THRB: variants seen among roughly 807,000 people sequenced by gnomAD.
THRB encodes thyroid hormone receptor beta, also known as nuclear receptor subfamily 1 group A member 2.
A neutral mutation model predicts 47.8 loss-of-function variants in THRB; 12 were observed. The ratio of observed to expected loss-of-function variants is 0.25; its 90% CI spans 0.16 to 0.41. THRB has a LOEUF of 0.41. THRB is among the 10% of genes least tolerant of loss of function. The pLI, the probability that THRB is intolerant of heterozygous loss-of-function variation, is 1.00. For synonymous variants in THRB, 218 were observed against 212.2 expected, an observed-to-expected ratio of 1.03 and a Z score of -0.24; for missense variants, 348 against 589.2, an observed-to-expected ratio of 0.59 and a Z score of 4.24.
chr3:24,149,217 G>GGGGA (rs1264637707), intron 6 of THRB, among the ~76,000 whole-genome samples: 1 of 152,174 alleles, frequency 6.6e-6, no homozygotes, highest in East Asian at 1.9e-4. Context: ...CAGACAGGGA[G>GGGGA]GGGAGGGGTA....
At chr3:24,276,622 A>G (rs1216337253) in intron 3 of THRB, among the ~76,000 whole-genome samples, 1 of 152,242 alleles carries the variant, frequency 6.6e-6, no homozygotes, top group Non-Finnish European at 1.5e-5. Flanking sequence ...CATGTTAGCC[A>G]TTATTATTAC....
chr3:24,225,390 A>G (rs912283484), intron 4 of THRB, among the ~76,000 whole-genome samples: 1 of 152,232 alleles, frequency 6.6e-6, no homozygotes, highest in African/African-American at 2.4e-5. Flanking sequence ...AGCAAGTCAC[A>G]AAGAAGTCCA....
At chr3:24,141,025 C>A (rs1053511658) in intron 8 of THRB, among the ~76,000 whole-genome samples, 6 of 152,178 alleles carry the variant, frequency 3.9e-5, no homozygotes, top group Non-Finnish European at 5.9e-5. Context: ...TTCCCAATAA[C>A]CCTCTAGGGA....
chr3:24,146,972 C>T (rs1409897102), intron 6 of THRB, 150 bp from the exon 7 acceptor site: 4 of 686,290 alleles, frequency 5.8e-6, no homozygotes, highest in South Asian at 1.8e-5. Flanking sequence ...AAATATAAGA[C>T]AGTTGGCCCA....
chr3:24,366,977 T>A (rs2064519979), intron 1 of THRB, among the ~76,000 whole-genome samples: 2 of 150,200 alleles, frequency 1.3e-5, no homozygotes, highest in South Asian at 4.2e-4. Flanking sequence ...TTCAAATCAA[T>A]TTTTTTTTCT....
chr3:24,227,760 T>G (rs527366026), intron 4 of THRB, among the ~76,000 whole-genome samples: 28 of 152,134 alleles, frequency 1.8e-4, no homozygotes, highest in Admixed American at 1.1e-3. Flanking sequence ...TATCATAGGG[T>G]GGGGAGGTGA....
intron 3 of THRB, among the ~76,000 whole-genome samples, chr3:24,233,831 A>C (rs956548677): frequency 2.0e-5 from 3 of 152,226 alleles, no homozygotes; most frequent in East Asian, 3.9e-4. Flanking sequence ...TTCAGTGGAC[A>C]GAGAACGGGT....
intron 1 of THRB, among the ~76,000 whole-genome samples, chr3:24,488,662 A>T (rs1377345957): frequency 6.6e-6 from 1 of 152,182 alleles, no homozygotes; most frequent in African/African-American, 2.4e-5. Context: ...AATAACTAGA[A>T]TAAAATAAGC....
intron 1 of THRB, among the ~76,000 whole-genome samples, chr3:24,362,994 A>T (rs916003959): frequency 1.3e-5 from 2 of 152,158 alleles, no homozygotes; most frequent in Admixed American, 6.5e-5. Flanking sequence ...CTGGGAGCTG[A>T]TGGGAAAATG....
rs973502816 is a variant in THRB, at chr3:24,118,968, G to C, written c.*3916C>G. The C allele has an allele frequency of 7.2e-5, 6 of 83,676 alleles. No individual in the cohort carries two copies. The highest frequency in any genetic ancestry group is 9.4e-3 in the Middle Eastern group (1 of 106). 5.2% of individuals were successfully genotyped at this position (83,676 alleles called of 1,614,324 possible). On this transcript the variant is annotated 3_prime_UTR_variant, in exon 11 of 11. Coordinates refer to ENST00000646209, the MANE Select transcript of THRB (RefSeq NM_001354712.2). ...ATAAGGCCAAACCTTTTTTCCCCCAGTCTGGTTTTTTTTTTTTTTTTTTTT... is the reference window on the plus strand; with the variant it reads ...ATAAGGCCAAACCTTTTTTCCCCCACTCTGGTTTTTTTTTTTTTTTTTTTT...
chr3:24,331,017 T>A (rs1221631863), intron 2 of THRB, among the ~76,000 whole-genome samples: 1 of 152,050 alleles, frequency 6.6e-6, no homozygotes, highest in African/African-American at 2.4e-5. Context: ...ACCATGGATA[T>A]AAAGAGTTCC....
At chr3:24,341,561 A>G (rs369588584) in intron 1 of THRB, among the ~76,000 whole-genome samples, 1 of 152,138 alleles carries the variant, frequency 6.6e-6, no homozygotes, top group African/African-American at 2.4e-5. Flanking sequence ...TACAAAATAC[A>G]GTATTGTTAA....
At chr3:24,286,980 A>G (rs1289288394) in intron 3 of THRB, among the ~76,000 whole-genome samples, 1 of 152,192 alleles carries the variant, frequency 6.6e-6, no homozygotes, top group African/African-American at 2.4e-5. Context: ...CAAGTTAGAC[A>G]GAAGTTGAAG....
intron 1 of THRB, among the ~76,000 whole-genome samples, chr3:24,345,940 A>G (rs1374333082): frequency 6.6e-6 from 1 of 152,130 alleles, no homozygotes; most frequent in Non-Finnish European, 1.5e-5. Flanking sequence ...AATAAAGCTA[A>G]TAAAGTTTGC....
intron 6 of THRB, among the ~76,000 whole-genome samples, 163 bp from the exon 7 acceptor site, chr3:24,146,985 A>G (rs556655409): frequency 1.3e-5 from 2 of 152,334 alleles, no homozygotes; most frequent in Non-Finnish European, 2.9e-5. Flanking sequence ...TTGGCCCAGA[A>G]GGATCTAGAG....
At chr3:24,482,487 CATT>C (rs1696601676) in intron 1 of THRB, among the ~76,000 whole-genome samples, 1 of 126,818 alleles carries the variant, frequency 7.9e-6, no homozygotes. Flanking sequence ...CTTCCTGATT[CATT>C]CATTCATTCA....
intron 9 of THRB, among the ~76,000 whole-genome samples, chr3:24,131,947 G>A (rs186160790): frequency 2.0e-5 from 3 of 152,348 alleles, no homozygotes; most frequent in East Asian, 3.9e-4. Context: ...CTCTCAGGTA[G>A]GTCTAGGGGC....
intron 4 of THRB, among the ~76,000 whole-genome samples, chr3:24,205,658 C>T (rs1270964532): frequency 6.6e-6 from 1 of 152,114 alleles, no homozygotes; most frequent in Admixed American, 6.5e-5. Context: ...CAATATTAAC[C>T]TTAAATGTAA....
chr3:24,215,358 GT>G (rs944373645), intron 4 of THRB, among the ~76,000 whole-genome samples: 38 of 152,308 alleles, frequency 2.5e-4, no homozygotes, highest in African/African-American at 8.7e-4. Context: ...CTTGCTCCAA[GT>G]CACAAGGTTA....
Sources: allele counts gnomAD v4.1 joint callset (sites outside exome capture counted in the v4.1 genomes callset), GRCh38; gene constraint gnomAD v4.1.1; transcripts MANE v1.5; gene names NCBI Gene and HGNC (gene_info 2026-07-23, HGNC 2026-07-21).